The following DENND10 variants were observed in gnomAD, a reference collection of about 807,000 sequenced individuals.
DENND10 encodes DENN domain containing 10, also known as DENN domain-containing protein 10.
A neutral mutation model predicts 43.6 loss-of-function variants in DENND10; 24 were observed. That is an observed-to-expected ratio of 0.55 (90% CI 0.40 to 0.77). The LOEUF is 0.77. DENND10 is among the 30% of genes least tolerant of loss of function. The pLI is 0.00. For synonymous variants in DENND10, 125 were observed against 157.6 expected (o/e 0.79, Z 1.55); for missense variants, 303 against 429.9 (o/e 0.70, Z 2.61).
chr10:119,131,824 T>C (rs1368653300), intron 7 of DENND10, among the ~76,000 whole-genome samples: 1 of 152,224 alleles, frequency 6.6e-6, no homozygotes. Flanking sequence ...GAAAGAAAAC[T>C]GGCTGTGGCT....
chr10:119,121,399 G>A (rs191150603), intron 5 of DENND10, among the ~76,000 whole-genome samples: 12 of 145,944 alleles, frequency 8.2e-5, no homozygotes, highest in African/African-American at 2.5e-4. Flanking sequence ...TCCTGCCTCC[G>A]TTGAGATGAT....
intron 3 of DENND10, chr10:119,114,290 A>ACACAC (rs1845136389): frequency 6.6e-6 from 1 of 151,256 alleles, no homozygotes; most frequent in Non-Finnish European, 1.5e-5. Context: ...ACACACACAC[A>ACACAC]GGTCTGTGTG....
chr10:119,108,058 T>C lies in DENND10; in HGVS notation c.146T>C (p.Leu49Pro). 1 of 1,613,324 alleles carries C rather than the reference T, an allele frequency of 6.2e-7. No homozygotes were observed. The change falls in exon 2 of 9, where the codon CTT (leucine) becomes CCT (proline). Residue 49 changes from leucine to proline, a missense_variant. Coordinates refer to ENST00000361432, the MANE Select transcript of DENND10 (RefSeq NM_207009.4). ...AACCTGCTGCTGAGAAAATGCTGCC[T>C]TACAGATGAAAACAAACTTCTCCAT... ...LRNLLLRKCC[L>P]TDENKLLHPF...
intron 1 of DENND10, 104 bp from the exon 2 acceptor site, chr10:119,107,864 G>A: frequency 1.9e-6 from 2 of 1,029,384 alleles, no homozygotes; most frequent in South Asian, 1.3e-5. Flanking sequence ...TGCTTTGTAA[G>A]ATGGGATGTT....
At chr10:119,125,268 G>A (rs1029646214) in intron 6 of DENND10, among the ~76,000 whole-genome samples, 2 of 151,802 alleles carry the variant, frequency 1.3e-5, no homozygotes, top group African/African-American at 2.4e-5. Flanking sequence ...CATTGTGCCT[G>A]GCCGAACTTG....
intron 1 of DENND10, among the ~76,000 whole-genome samples, chr10:119,106,180 G>GC: frequency 6.6e-6 from 1 of 152,142 alleles, no homozygotes; most frequent in African/African-American, 2.4e-5. Context: ...CTGAGATTGC[G>GC]CCACCGCACT....
At chr10:119,104,636 G>T (rs1844599273) in intron 1 of DENND10, 1 of 151,790 alleles carries the variant, frequency 6.6e-6, no homozygotes, top group Non-Finnish European at 1.5e-5. Flanking sequence ...GTTCCCCCGA[G>T]CCGGGGGCGG....
intron 6 of DENND10, among the ~76,000 whole-genome samples, chr10:119,124,966 T>G (rs970847574): frequency 6.6e-5 from 10 of 152,074 alleles, no homozygotes; most frequent in Admixed American, 5.2e-4. Flanking sequence ...TGTAAAGTTT[T>G]TTTTTGTTTT....
chr10:119,127,428 T>G (rs1051470735), intron 6 of DENND10, among the ~76,000 whole-genome samples: 3 of 152,118 alleles, frequency 2.0e-5, no homozygotes, highest in Admixed American at 6.6e-5. Flanking sequence ...GGTCTGGCTC[T>G]CAGTAGTAGG....
chr10:119,120,289 T>C, intron 4 of DENND10, 52 bp from the exon 5 acceptor site: 1 of 1,117,346 alleles, frequency 8.9e-7, no homozygotes, highest in South Asian at 1.4e-5. Flanking sequence ...AAAATCTTTA[T>C]TTCTTTGCAT....
chr10:119,107,170 A>C (rs1844733087), intron 1 of DENND10, among the ~76,000 whole-genome samples: 1 of 152,028 alleles, frequency 6.6e-6, no homozygotes, highest in South Asian at 2.1e-4. Context: ...TACAAAAATT[A>C]GCTGGGCATG....
chr10:119,136,749 T>C lies in DENND10; in HGVS notation c.*102T>C, dbSNP rs1163642023. 1.9e-5 allele frequency: 11 copies of C among 593,680 alleles called. No homozygotes were observed. The East Asian group carries it at 2.7e-4, about 15-fold the overall frequency. The allele number at this position is 593,680 out of a possible 1,614,324, so 36.8% of individuals were successfully genotyped here. On this transcript the variant is annotated 3_prime_UTR_variant, in exon 9 of 9. Transcript: ENST00000361432. ...CCTGAAAATAACAGAGAAACTGTTA[T>C]ATCTTTTTAATGATTTATTTGCAAG...
chr10:119,107,032 AAG>A (rs1844726966), intron 1 of DENND10, among the ~76,000 whole-genome samples: 1 of 151,166 alleles, frequency 6.6e-6, no homozygotes. Context: ...CCTGGGCAAT[AAG>A]AGCAAAACTC....
In DENND10 at chr10:119,115,382, ATTTTT is replaced by A. The variant is rs397845392; in HGVS notation, c.333-2118_333-2114del. 1.0e-3 allele frequency among the ~76,000 whole-genome samples: 49 copies of A among 48,420 alleles called. 3 individuals are homozygous for A. The East Asian group carries it at 0.031, about 31-fold the overall frequency. 31.8% of individuals were successfully genotyped at this position (48,420 alleles called of 152,430 possible). ...CGTCAAGTTGTGAATTGAATTGGTA[ATTTTT>A]TTTTTTTTTTTTTTTTTTGAGACGG... On this transcript the variant is annotated intron_variant, in intron 3 of 8. Transcript: ENST00000361432.
chr10:119,131,777 A>C (rs1052477185), intron 7 of DENND10, among the ~76,000 whole-genome samples: 1 of 152,254 alleles, frequency 6.6e-6, no homozygotes, highest in Non-Finnish European at 1.5e-5. Context: ...ATGGGGTCAG[A>C]TCTTTACGAA....
intron 1 of DENND10, among the ~76,000 whole-genome samples, chr10:119,107,137 C>G (rs142066193): frequency 6.6e-6 from 1 of 151,810 alleles, no homozygotes; most frequent in African/African-American, 2.4e-5. Flanking sequence ...GCTAACATGG[C>G]GAAACCCTGT....
chr10:119,131,688 A>T (rs896340195), intron 7 of DENND10, among the ~76,000 whole-genome samples: 3 of 152,222 alleles, frequency 2.0e-5, no homozygotes, highest in Admixed American at 6.5e-5. Context: ...ATTCAAATTA[A>T]TAGAACCATA....
chr10:119,131,640 G>A (rs999304077), intron 7 of DENND10, among the ~76,000 whole-genome samples: 3 of 152,120 alleles, frequency 2.0e-5, no homozygotes, highest in Non-Finnish European at 4.4e-5. Context: ...GACTCATTGG[G>A]AATTGTTAGA....
At chr10:119,122,899 G>C (rs1472851957) in intron 5 of DENND10, among the ~76,000 whole-genome samples, 3 of 152,126 alleles carry the variant, frequency 2.0e-5, no homozygotes, top group African/African-American at 7.2e-5. Flanking sequence ...GTCACTCTTT[G>C]CTACCACAGG....
Sources: gnomAD v4.1 joint callset for allele counts (sites outside exome capture counted in the v4.1 genomes callset) on GRCh38, gnomAD v4.1.1 for gene constraint, MANE v1.5 for transcripts, NCBI Gene and HGNC (gene_info 2026-07-23, HGNC 2026-07-21) for gene names.